DEUP1: variants seen among roughly 807,000 people sequenced by gnomAD.
DEUP1 encodes deuterosome assembly protein 1.
DEUP1 carries 82 observed loss-of-function variants against 87.4 expected under a neutral mutation model. The ratio of observed to expected loss-of-function variants is 0.94; its 90% CI spans 0.78 to 1.13. The LOEUF is 1.13. DEUP1 is among the 50% of genes most tolerant of loss of function. The pLI, the probability that DEUP1 is intolerant of heterozygous loss-of-function variation, is 0.00. For synonymous variants in DEUP1, 214 were observed against 222.7 expected (o/e 0.96, Z 0.35); for missense variants, 663 against 681.5 (o/e 0.97, Z 0.30).
In DEUP1 at chr11:93,437,621, C is replaced by G. The variant is rs1948286335; in HGVS notation, c.1717C>G (p.Leu573Val). ...LLEEEKRAKE[L>V]EKLLNTHIDE... ...GGAAGAAGAGAAACGAGCAAAAGAA[C>G]TTGAAAAACTTCTAAATACACATAT... Residue 573 changes from leucine to valine, a missense_variant, in exon 14 of 14, where the codon CTT becomes GTT. Physicochemically the swap from Leu to Val is conservative, Grantham distance 32. Coordinates refer to ENST00000298050, the MANE Select transcript of DEUP1 (RefSeq NM_181645.4). 6.2e-7 allele frequency: 1 copy of G among 1,612,288 alleles called. No homozygotes were observed.
intron 13 of DEUP1, among the ~76,000 whole-genome samples, chr11:93,436,650 A>C (rs1292236509): frequency 6.6e-6 from 1 of 152,162 alleles, no homozygotes; most frequent in South Asian, 2.1e-4. Flanking sequence ...CAGATTGGTG[A>C]ACAAAATCCA....
chr11:93,352,525 G>A lies in DEUP1; in HGVS notation c.30-2846G>A. 4 of 628,182 alleles carry A rather than the reference G, an allele frequency of 6.4e-6. No individual in the cohort carries two copies. In the South Asian group the frequency reaches 7.6e-5, roughly 12 times the overall value. 38.9% of individuals were successfully genotyped at this position (628,182 alleles called of 1,614,324 possible). A position where few individuals can be genotyped will look rare whatever the true frequency, so the allele number is the denominator to read the frequency against. Reference sequence around the variant, plus strand: ...GGACCCAAGATATTACTATGTGTATGACTATTAGTAACCTCACTGTCTAAA... The same window carrying A: ...GGACCCAAGATATTACTATGTGTATAACTATTAGTAACCTCACTGTCTAAA... On this transcript the variant is annotated intron_variant, in intron 2 of 13. Transcript: ENST00000298050.
chr11:93,373,264 C>T (rs1050124830), intron 7 of DEUP1, among the ~76,000 whole-genome samples: 1 of 151,966 alleles, frequency 6.6e-6, no homozygotes, highest in Admixed American at 6.6e-5. Context: ...TAAATAAGTT[C>T]TTTACTGGTG....
At chr11:93,353,901 GGTCTCTGACAA>G (rs1466455313) in intron 2 of DEUP1, among the ~76,000 whole-genome samples, 2 of 152,230 alleles carry the variant, frequency 1.3e-5, no homozygotes, top group African/African-American at 4.8e-5. Flanking sequence ...CTGCTGTGAA[GGTCTCTGACAA>G]GTCCTGGGGA....
intron 13 of DEUP1, among the ~76,000 whole-genome samples, chr11:93,428,550 C>T (rs1948005291): frequency 6.6e-6 from 1 of 152,058 alleles, no homozygotes; most frequent in East Asian, 1.9e-4. Flanking sequence ...ACATATGTAA[C>T]AAACCTGCAC....
chr11:93,371,186 C>A lies in DEUP1; in HGVS notation c.695C>A (p.Ser232Ter), dbSNP rs1345006255. The change falls in exon 7 of 14, where the codon TCA becomes TAA. Residue 232 changes from serine to a stop codon, truncating the protein, a stop_gained. Transcript: ENST00000298050. LOFTEE classifies it high-confidence loss of function. ...RDEFIIEKLK[S>*]AVNEIALSRN... ...GAGTTCATTATTGAAAAACTGAAAT[C>A]AGCTGTAAATGAGATAGCACTAAGC... 12 of 1,612,900 alleles carry A rather than the reference C, an allele frequency of 7.4e-6. No individual in the cohort carries two copies. The highest frequency in any genetic ancestry group is 1.0e-5 in the Non-Finnish European group (12 of 1,179,426).
intron 4 of DEUP1, among the ~76,000 whole-genome samples, chr11:93,360,062 T>C (rs1243171249): frequency 3.9e-5 from 6 of 152,162 alleles, no homozygotes; most frequent in Non-Finnish European, 8.8e-5. Context: ...GAGTCACCAC[T>C]GCTTAGTGGT....
At chr11:93,372,728 A>T (rs1945805042) in intron 7 of DEUP1, among the ~76,000 whole-genome samples, 1 of 152,220 alleles carries the variant, frequency 6.6e-6, no homozygotes, top group Non-Finnish European at 1.5e-5. Flanking sequence ...ATTCTAATAC[A>T]AGTTAGAATA....
intron 11 of DEUP1, among the ~76,000 whole-genome samples, chr11:93,399,435 A>C (rs1947047952): frequency 6.6e-6 from 1 of 151,968 alleles, no homozygotes; most frequent in Non-Finnish European, 1.5e-5. Context: ...TTTCCATCCA[A>C]GAATGGCTTT....
Position 93,437,739 on chromosome 11 carries a change from T to TGGGGGGGGGGGGGGGGGGGG in DEUP1, c.*21_*22insGGGGGGGGGGGGGGGGGGGG. The TGGGGGGGGGGGGGGGGGGGG allele has an allele frequency of 7.7e-7, 1 of 1,305,246 alleles. No homozygotes were observed. The highest frequency in any genetic ancestry group is 1.0e-6 in the Non-Finnish European group (1 of 952,884). The allele number at this position is 1,305,246 out of a possible 1,614,324, so 80.9% of individuals were successfully genotyped here. Reference sequence around the variant, plus strand: ...ATATGAGCTTTTAAACTTTTTTATTTGCTTCCCCCCCCCACCCCCGCCAAG... The same window carrying TGGGGGGGGGGGGGGGGGGGG: ...ATATGAGCTTTTAAACTTTTTTATTTGGGGGGGGGGGGGGGGGGGGGCTTCCCCCCCCCACCCCCGCCAAG... On this transcript the variant is annotated 3_prime_UTR_variant, in exon 14 of 14. Transcript: ENST00000298050.
intron 4 of DEUP1, among the ~76,000 whole-genome samples, chr11:93,363,757 C>T (rs954922713): frequency 1.3e-5 from 2 of 151,638 alleles, no homozygotes; most frequent in Admixed American, 6.6e-5. Flanking sequence ...ATTCTGTTTT[C>T]TTAAGTAAGG....
chr11:93,388,077 A>G lies in DEUP1; in HGVS notation c.936-943A>G, dbSNP rs117245440. 7.2e-3 allele frequency among the ~76,000 whole-genome samples: 1,092 copies of G among 152,286 alleles called. 5 individuals carry two copies. The highest frequency in any genetic ancestry group is 0.024 in the Middle Eastern group (7 of 294). ...AATCACAAAAAAAGCAATCTAGTCT[A>G]GATACATGTAACTCAGGGATATCAC... On this transcript the variant is annotated intron_variant, in intron 8 of 13. Transcript: ENST00000298050.
intron 5 of DEUP1, among the ~76,000 whole-genome samples, chr11:93,365,860 G>A (rs1272882218): frequency 1.3e-5 from 2 of 152,146 alleles, no homozygotes; most frequent in African/African-American, 4.8e-5. Context: ...GTTTTAGTCT[G>A]CAGGTAAACC....
At chr11:93,366,054 A>C (rs773898963) in intron 5 of DEUP1, among the ~76,000 whole-genome samples, 242 of 152,344 alleles carry the variant, frequency 1.6e-3, no homozygotes, top group East Asian at 9.6e-4. Context: ...AATGGGGTTT[A>C]AAATACCTTA....
At chr11:93,361,676 A>G (rs1945183983) in intron 4 of DEUP1, among the ~76,000 whole-genome samples, 1 of 152,118 alleles carries the variant, frequency 6.6e-6, no homozygotes, top group African/African-American at 2.4e-5. Flanking sequence ...GGATTCTAAA[A>G]TAATGCTCAT....
intron 5 of DEUP1, among the ~76,000 whole-genome samples, chr11:93,367,599 A>G (rs1320050312): frequency 1.3e-5 from 2 of 152,210 alleles, no homozygotes. Flanking sequence ...TTTATTATAT[A>G]TTCCTTGATT....
At chr11:93,414,929 T>C (rs1478202296) in intron 12 of DEUP1, 71 bp from the exon 13 acceptor site, 6 of 839,752 alleles carry the variant, frequency 7.1e-6, no homozygotes, top group Non-Finnish European at 1.0e-5. Context: ...TCTGAGAGAT[T>C]AAAATCCTTA....
intron 2 of DEUP1, among the ~76,000 whole-genome samples, chr11:93,334,230 T>G (rs1215312729): frequency 6.6e-6 from 1 of 152,152 alleles, no homozygotes; most frequent in Non-Finnish European, 1.5e-5. Context: ...TATGTATAAA[T>G]CTAGATCATG....
intron 2 of DEUP1, among the ~76,000 whole-genome samples, chr11:93,355,067 T>C (rs1944831442): frequency 6.6e-6 from 1 of 152,232 alleles, no homozygotes; most frequent in South Asian, 2.1e-4. Context: ...GGTATATGTA[T>C]GCCTATATGG....
Sources: allele counts gnomAD v4.1 joint callset (sites outside exome capture counted in the v4.1 genomes callset), GRCh38; gene constraint gnomAD v4.1.1; transcripts MANE v1.5; gene names NCBI Gene and HGNC (gene_info 2026-07-23, HGNC 2026-07-21).